The following RGMA variants were observed in gnomAD, a reference collection of about 807,000 sequenced individuals.
RGMA encodes the protein repulsive guidance molecule BMP co-receptor a.
RGMA carries 10 observed loss-of-function variants against 23.2 expected under a neutral mutation model. The ratio of observed to expected loss-of-function variants is 0.43; its 90% CI spans 0.27 to 0.73. The LOEUF is 0.73. Ranked by LOEUF, RGMA falls within the 30% of genes least tolerant of loss-of-function variation. The probability of loss-of-function intolerance (pLI) is 0.20; values close to 1 mark genes in which losing one functional copy is unlikely to be tolerated. For synonymous variants in RGMA, 308 were observed against 279.3 expected (o/e 1.10, Z -1.03); for missense variants, 547 against 630.5 (o/e 0.87, Z 1.42).
chr15:93,083,821 G>A (rs183058965), intron 1 of RGMA, among the ~76,000 whole-genome samples: 275 of 152,274 alleles, frequency 1.8e-3, no homozygotes, highest in Non-Finnish European at 2.9e-3. Context: ...CATGAACTTC[G>A]TAACGTCTAC....
chr15:93,064,574 CGT>C (rs1215396119), intron 2 of RGMA, among the ~76,000 whole-genome samples: 11 of 152,234 alleles, frequency 7.2e-5, no homozygotes, highest in Non-Finnish European at 1.5e-4. Context: ...TGCGCACACG[CGT>C]GTGTGGGTCT....
At chr15:93,052,842 A>G (rs1398264344) in intron 2 of RGMA, among the ~76,000 whole-genome samples, 1 of 152,176 alleles carries the variant, frequency 6.6e-6, no homozygotes, top group Non-Finnish European at 1.5e-5. Flanking sequence ...TGACATCTAT[A>G]TACACTTTCA....
chr15:93,073,457 T>G, intron 1 of RGMA: 1 of 1,020,658 alleles, frequency 9.8e-7, no homozygotes, highest in Non-Finnish European at 1.4e-6. Context: ...CCCAGCACCC[T>G]TGGGAGGCCG....
chr15:93,080,915 C>T (rs1455168444), intron 1 of RGMA, among the ~76,000 whole-genome samples: 1 of 152,196 alleles, frequency 6.6e-6, no homozygotes, highest in Non-Finnish European at 1.5e-5. Context: ...CCACCGCTTT[C>T]TTCTTAAAAC....
chr15:93,073,203 A>C, intron 1 of RGMA, 172 bp from the exon 2 acceptor site: 1 of 1,177,330 alleles, frequency 8.5e-7, no homozygotes, highest in Non-Finnish European at 1.0e-6. Flanking sequence ...CTCGCCATCC[A>C]TCACTCGGTT....
intron 2 of RGMA, among the ~76,000 whole-genome samples, chr15:93,053,222 T>C (rs11635024): frequency 0.056 from 8,507 of 152,278 alleles, 339 homozygotes; most frequent in Middle Eastern, 0.092. Context: ...CTCACAAGCT[T>C]TGAGACTTTA....
intron 3 of RGMA, among the ~76,000 whole-genome samples, chr15:93,046,544 A>G (rs2054827659): frequency 6.6e-6 from 1 of 152,188 alleles, no homozygotes; most frequent in African/African-American, 2.4e-5. Context: ...TTGCATAATG[A>G]CAGTGGTACT....
At chr15:93,081,749 T>C (rs186694297) in intron 1 of RGMA, among the ~76,000 whole-genome samples, 8 of 152,238 alleles carry the variant, frequency 5.3e-5, no homozygotes, top group African/African-American at 1.7e-4. Context: ...TAAGAACAGA[T>C]AACCAAGTTG....
intron 1 of RGMA, chr15:93,088,697 G>C: frequency 2.6e-6 from 2 of 772,780 alleles, no homozygotes; most frequent in South Asian, 2.1e-5. Flanking sequence ...GCCCGGGGGA[G>C]AGTATTTTAG....
At chr15:93,050,474 G>A (rs1355645195) in intron 3 of RGMA, among the ~76,000 whole-genome samples, 1 of 152,190 alleles carries the variant, frequency 6.6e-6, no homozygotes, top group Non-Finnish European at 1.5e-5. Context: ...CTCTCAGCCT[G>A]CTGAGATCAA....
At chr15:93,062,861 GTCC>G (rs1895014434) in intron 2 of RGMA, 1 of 152,488 alleles carries the variant, frequency 6.6e-6, no homozygotes, top group Non-Finnish European at 1.5e-5. Context: ...GCCACTCTGT[GTCC>G]CAGCGGTCCC....
intron 1 of RGMA, among the ~76,000 whole-genome samples, chr15:93,083,148 C>A (rs897559067): frequency 6.6e-6 from 1 of 152,260 alleles, no homozygotes. Flanking sequence ...ATGAAGAAAT[C>A]AGACACCTGG....
intron 3 of RGMA, among the ~76,000 whole-genome samples, chr15:93,046,501 G>A (rs766045381): frequency 2.6e-5 from 4 of 152,142 alleles, no homozygotes; most frequent in African/African-American, 4.8e-5. Context: ...CTACAGTGGC[G>A]ATAGGAAATG....
intron 2 of RGMA, among the ~76,000 whole-genome samples, chr15:93,062,484 G>A (rs1170651771): frequency 2.0e-5 from 3 of 152,204 alleles, no homozygotes; most frequent in African/African-American, 7.2e-5. Context: ...AGCTTGGCAG[G>A]AGGCGACATG....
At position 93,041,430 on chromosome 15, in the gene RGMA, T is replaced by C. The variant is rs975679178; in HGVS notation, c.*3568A>G. On this transcript the variant is annotated 3_prime_UTR_variant, in exon 4 of 4. Transcript: ENST00000329082. ...TTCTTGGGAATCTTTTAGCTCAGGA[T>C]GCTGTGTTCCATATTCACGACGGCA... The C allele has an allele frequency of 2.6e-5, 4 of 152,224 alleles. No homozygotes were observed. The highest frequency in any genetic ancestry group is 4.8e-5 in the African/African-American group (2 of 41,450). 9.4% of individuals were successfully genotyped at this position (152,224 alleles called of 1,614,324 possible). A position where few individuals can be genotyped will look rare whatever the true frequency, so the allele number is the denominator to read the frequency against.
chr15:93,054,330 A>AT (rs2054977554), intron 2 of RGMA, among the ~76,000 whole-genome samples: 1 of 152,150 alleles, frequency 6.6e-6, no homozygotes, highest in Non-Finnish European at 1.5e-5. Context: ...GGTTAGGTAA[A>AT]TGACAGTCAG....
intron 1 of RGMA, among the ~76,000 whole-genome samples, chr15:93,077,982 A>T (rs1895500179): frequency 6.6e-6 from 1 of 152,224 alleles, no homozygotes; most frequent in Non-Finnish European, 1.5e-5. Flanking sequence ...TGCCGGGATT[A>T]TAGGTATGAG....
At chr15:93,087,925 G>A (rs1282645384) in intron 1 of RGMA, among the ~76,000 whole-genome samples, 2 of 152,092 alleles carry the variant, frequency 1.3e-5, no homozygotes, top group East Asian at 3.8e-4. Flanking sequence ...CTGGAGGCGA[G>A]GGCTGGTTCC....
In RGMA at chr15:93,070,896, G is replaced by A. The variant is rs150831711; in HGVS notation, c.130+2020C>T. Reference sequence around the variant, plus strand: ...AACCTACCAGTGTTCCTCAGCCTATGGCGGGATGCTTTAAAATAAAAGTTT... The same window carrying A: ...AACCTACCAGTGTTCCTCAGCCTATAGCGGGATGCTTTAAAATAAAAGTTT... On this transcript the variant is annotated intron_variant, in intron 2 of 3. Transcript: ENST00000329082. Among the ~76,000 whole-genome samples, 3 of 152,336 alleles carry A rather than the reference G, an allele frequency of 2.0e-5. No individual in the cohort carries two copies. In the East Asian group the frequency reaches 5.8e-4, roughly 29 times the overall value.
Sources: allele counts gnomAD v4.1 joint callset (sites outside exome capture counted in the v4.1 genomes callset), GRCh38; gene constraint gnomAD v4.1.1; transcripts MANE v1.5; gene names NCBI Gene and HGNC (gene_info 2026-07-23, HGNC 2026-07-21).